Variants in OCM observed in about 807,000 individuals in gnomAD.
The protein encoded by OCM is oncomodulin, also known as oncomodulin-1.
In OCM, 18 loss-of-function variants were observed where a neutral mutation model predicts 14.1. The observed-to-expected ratio is 1.28, with a 90% CI of 0.88 to 1.89. OCM has a LOEUF of 1.89. Among genes scored for constraint, OCM ranks in the 40% most tolerant of loss-of-function variants. The pLI, the probability that OCM is intolerant of heterozygous loss-of-function variation, is 0.00. For missense variants in OCM, 140 were observed against 137.6 expected, an observed-to-expected ratio of 1.02 and a Z score of -0.09; for synonymous variants, 48 against 51.0, an observed-to-expected ratio of 0.94 and a Z score of 0.25.
At chr7:5,883,310 A>G (rs113452907) in intron 2 of OCM, among the ~76,000 whole-genome samples, 11,800 of 152,172 alleles carry the variant, frequency 0.078, 502 homozygotes, top group South Asian at 0.11. Context: ...CAGATCGTGC[A>G]GCTGCACTCC....
At chr7:5,860,805 C>T in the OCM span, among the ~76,000 whole-genome samples, 6 of 109,970 alleles carry the variant, frequency 5.5e-5, no homozygotes, top group Admixed American at 1.8e-4. Flanking sequence ...TATATACACA[C>T]ATACACACAT....
upstream of OCM, among the ~76,000 whole-genome samples, chr7:5,878,969 C>T (rs542674945): frequency 5.3e-4 from 80 of 151,502 alleles, no homozygotes; most frequent in African/African-American, 1.7e-3. Context: ...TTACTTGAGC[C>T]CAGGAGTTCG....
chr7:5,883,903 A>C lies in OCM; in HGVS notation c.208A>C (p.Lys70Gln), dbSNP rs1781278243. 2 of 1,612,594 alleles carry C rather than the reference A, an allele frequency of 1.2e-6. No individual in the cohort carries two copies. Among genetic ancestry groups the C allele is most frequent in the African/African-American group, 2.7e-5 (2 of 74,860 alleles). The change falls in exon 3 of 4, where the codon AAG becomes CAG. Residue 70 changes from lysine to glutamine, a missense_variant. Transcript: ENST00000242104. ...DEEELKFFLQ[K>Q]FESGARELTE... The stretch of plus-strand genomic sequence containing the variant: ...ATTATCCTGTAGGTTTTTCCTCCAG[A>C]AGTTTGAGAGTGGTGCCAGAGAACT...
the OCM span, among the ~76,000 whole-genome samples, chr7:5,874,786 G>A: frequency 1.3e-5 from 2 of 152,036 alleles, no homozygotes; most frequent in South Asian, 2.1e-4. Context: ...GATTGCAGAC[G>A]TGCACCGCCG....
At chr7:5,865,249 CA>C in the OCM span, among the ~76,000 whole-genome samples, 1 of 152,158 alleles carries the variant, frequency 6.6e-6, no homozygotes, top group Non-Finnish European at 1.5e-5. Context: ...GAACTTTGCC[CA>C]AAAGGCTAAA....
the OCM span, among the ~76,000 whole-genome samples, chr7:5,863,920 GA>G: frequency 1.3e-5 from 2 of 152,086 alleles, no homozygotes; most frequent in African/African-American, 4.8e-5. Context: ...GGAACCTGGG[GA>G]CACTCTCCTC....
the OCM span, among the ~76,000 whole-genome samples, chr7:5,868,860 C>T: frequency 3.3e-5 from 5 of 151,842 alleles, no homozygotes; most frequent in Middle Eastern, 3.2e-3. Flanking sequence ...GTCAGGAGTT[C>T]GAAACCAGCC....
chr7:5,866,081 G>A, the OCM span, among the ~76,000 whole-genome samples: 1 of 151,856 alleles, frequency 6.6e-6, no homozygotes, highest in African/African-American at 2.4e-5. Context: ...AGTGTCTGGG[G>A]AGGCTGAAGG....
chr7:5,876,508 A>C (rs1262665919), upstream of OCM, among the ~76,000 whole-genome samples: 2 of 152,096 alleles, frequency 1.3e-5, no homozygotes, highest in Non-Finnish European at 2.9e-5. Flanking sequence ...TCGTATTTTC[A>C]ACTTCTTTTT....
At chr7:5,868,446 C>T in the OCM span, among the ~76,000 whole-genome samples, 1 of 152,136 alleles carries the variant, frequency 6.6e-6, no homozygotes, top group Non-Finnish European at 1.5e-5. Context: ...CGCGCCCGGC[C>T]ACTCCCATCT....
upstream of OCM, among the ~76,000 whole-genome samples, chr7:5,877,200 C>G (rs146490014): frequency 2.9e-3 from 434 of 152,182 alleles, no homozygotes; most frequent in Non-Finnish European, 5.2e-3. Context: ...CACAGTGGCT[C>G]ATGCCTTAAT....
Position 5,883,897 on chromosome 7 carries a change from C to A in OCM, c.202C>A (p.Leu68Ile). Residue 68 changes from leucine to isoleucine, a missense_variant, in exon 3 of 4, where the codon CTC (leucine) becomes ATC (isoleucine). Leu to Ile is a conservative substitution (Grantham distance 5). Transcript: ENST00000242104. ...ATCTTTATTATCCTGTAGGTTTTTC[C>A]TCCAGAAGTTTGAGAGTGGTGCCAG... ...YLDEEELKFF[L>I]QKFESGAREL... is the part of the protein sequence containing the mutation. 1 of 1,612,086 alleles carries A rather than the reference C, an allele frequency of 6.2e-7. No homozygotes were observed.
chr7:5,873,996 A>G, the OCM span, among the ~76,000 whole-genome samples: 1 of 151,174 alleles, frequency 6.6e-6, no homozygotes, highest in African/African-American at 2.4e-5. Flanking sequence ...GGGGCGGACT[A>G]CTTGAGGTCA....
intron 1 of OCM, among the ~76,000 whole-genome samples, 172 bp from the exon 2 acceptor site, chr7:5,882,321 C>T (rs1053881774): frequency 6.6e-6 from 1 of 151,930 alleles, no homozygotes; most frequent in Non-Finnish European, 1.5e-5. Flanking sequence ...ACATGGGATG[C>T]CATCACAGAG....
upstream of OCM, among the ~76,000 whole-genome samples, chr7:5,880,516 T>C (rs896392578): frequency 6.6e-6 from 1 of 152,158 alleles, no homozygotes; most frequent in Non-Finnish European, 1.5e-5. Context: ...CCCAGCACTT[T>C]GTGAGGCCAA....
chr7:5,863,032 C>T, the OCM span, among the ~76,000 whole-genome samples: 4 of 152,202 alleles, frequency 2.6e-5, no homozygotes, highest in African/African-American at 7.2e-5. Flanking sequence ...ATGAATGCAT[C>T]ATGGACTCTT....
At chr7:5,860,851 TATACATATAC>T in the OCM span, among the ~76,000 whole-genome samples, 1 of 145,464 alleles carries the variant, frequency 6.9e-6, no homozygotes, top group African/African-American at 2.5e-5. Flanking sequence ...TACACATACA[TATACATATAC>T]ATATATATAT....
chr7:5,875,206 C>T (rs1235290570), upstream of OCM, among the ~76,000 whole-genome samples: 1 of 151,918 alleles, frequency 6.6e-6, no homozygotes, highest in African/African-American at 2.4e-5. Flanking sequence ...AGACACCCAC[C>T]ACCATGCCCA....
the OCM span, among the ~76,000 whole-genome samples, chr7:5,864,636 C>T: frequency 2.0e-5 from 3 of 152,020 alleles, no homozygotes; most frequent in Non-Finnish European, 2.9e-5. Context: ...AATAATTAAG[C>T]CTTTTGGGCA....
Sources: allele counts gnomAD v4.1 joint callset (sites outside exome capture counted in the v4.1 genomes callset), GRCh38; gene constraint gnomAD v4.1.1; transcripts MANE v1.5; gene names NCBI Gene and HGNC (gene_info 2026-07-23, HGNC 2026-07-21).